GAD2: variants seen among roughly 807,000 people sequenced by gnomAD.
GAD2 encodes the protein 65 kDa glutamic acid decarboxylase.
In GAD2, 22 loss-of-function variants were observed where a neutral mutation model predicts 80.1. That is an observed-to-expected ratio of 0.27 (90% CI 0.20 to 0.39). GAD2 has a LOEUF of 0.39. Among genes scored for constraint, GAD2 ranks in the 10% least tolerant of loss-of-function variants. The probability of loss-of-function intolerance (pLI) is 1.00; values close to 1 mark genes in which losing one functional copy is unlikely to be tolerated. For missense variants in GAD2, 624 were observed against 738.4 expected (o/e 0.85, Z 1.80); for synonymous variants, 274 against 256.9 (o/e 1.07, Z -0.64).
In GAD2 at chr10:26,301,180, C is replaced by T. The variant is rs1834326543; in HGVS notation, c.*219C>T. The T allele has an allele frequency of 2.0e-6, 1 of 499,192 alleles. No individual in the cohort carries two copies. Among genetic ancestry groups the T allele is most frequent in the Admixed American group, 3.3e-5 (1 of 30,514 alleles). The allele number at this position is 499,192 out of a possible 1,614,324, so 30.9% of individuals were successfully genotyped here. Reference sequence around the variant, plus strand: ...AGAATTCGTGACAAAAGGCTATGTTCTAATCAATAAGGAAAAGCTTAAAAT... The same window carrying T: ...AGAATTCGTGACAAAAGGCTATGTTTTAATCAATAAGGAAAAGCTTAAAAT... On this transcript the variant is annotated 3_prime_UTR_variant, in exon 16 of 16. Transcript: ENST00000376261.
chr10:26,240,421 A>G (rs1329405218), intron 7 of GAD2, among the ~76,000 whole-genome samples: 3 of 152,136 alleles, frequency 2.0e-5, no homozygotes, highest in Admixed American at 6.5e-5. Context: ...TTTAAGGATA[A>G]GCTGAATCAT....
chr10:26,266,963 A>T (rs192224337), intron 8 of GAD2, among the ~76,000 whole-genome samples: 18 of 152,288 alleles, frequency 1.2e-4, no homozygotes, highest in Admixed American at 9.8e-4. Flanking sequence ...TTCTCCTTTC[A>T]GGCTGTTGCC....
intron 8 of GAD2, among the ~76,000 whole-genome samples, chr10:26,249,253 G>T (rs988498153): frequency 1.3e-5 from 2 of 152,146 alleles, no homozygotes; most frequent in South Asian, 4.2e-4. Context: ...GTAGAGACGG[G>T]GTTTCATCAT....
At chr10:26,224,072 G>T (rs541878532) in intron 5 of GAD2, 95 bp downstream of exon 5, 161 of 851,978 alleles carry the variant, frequency 1.9e-4, no homozygotes. Context: ...TTTTTATTAA[G>T]TAGCCACTAA....
intron 8 of GAD2, 139 bp downstream of exon 8, chr10:26,246,139 T>G (rs1844806441): frequency 1.6e-6 from 1 of 639,748 alleles, no homozygotes; most frequent in Admixed American, 2.9e-5. Flanking sequence ...TCGTTTCTTT[T>G]TAACATGGGC....
chr10:26,217,091 C>T lies in GAD2; in HGVS notation c.76+206C>T, dbSNP rs1466711663. On this transcript the variant is annotated intron_variant, in intron 1 of 15. Coordinates refer to ENST00000376261, the MANE Select transcript of GAD2 (RefSeq NM_001134366.2). The surrounding 1 kb of genome is among the most constrained non-coding windows in gnomAD (Gnocchi z 4.9). ...TACCCTGGGAAGACGCCCAAATAGT[C>T]TCAGGCCCGTTCCACAGAAGGTTGG... 1.3e-5 allele frequency among the ~76,000 whole-genome samples: 2 copies of T among 152,020 alleles called. No homozygotes were observed. The highest frequency in any genetic ancestry group is 4.8e-5 in the African/African-American group (2 of 41,402).
chr10:26,230,459 C>A (rs962773163), intron 7 of GAD2, among the ~76,000 whole-genome samples: 2 of 151,380 alleles, frequency 1.3e-5, no homozygotes, highest in Non-Finnish European at 2.9e-5. Context: ...GAGACAATCT[C>A]GCTATGTCAC....
Position 26,218,006 on chromosome 10 carries a change from G to A in GAD2, c.286+15G>A, listed in dbSNP as rs1844402057. 3.2e-6 allele frequency: 5 copies of A among 1,584,440 alleles called. No individual in the cohort carries two copies. The Admixed American group carries it at 7.1e-5, about 23-fold the overall frequency. On this transcript the variant is annotated intron_variant, in intron 3 of 15. Coordinates refer to ENST00000376261, the MANE Select transcript of GAD2 (RefSeq NM_001134366.2). Reference sequence around the variant, plus strand: ...CCATGCAACAGGTAAAGACTCAGCGGGGAGCCCCGGGGCGCCCCTGCCCCT... The same window carrying A: ...CCATGCAACAGGTAAAGACTCAGCGAGGAGCCCCGGGGCGCCCCTGCCCCT...
chr10:26,278,065 G>T (rs1447095704), intron 11 of GAD2, among the ~76,000 whole-genome samples: 9 of 151,776 alleles, frequency 5.9e-5, no homozygotes, highest in African/African-American at 1.9e-4. Context: ...AGGGCTTTTT[G>T]CCATCTTTAT....
chr10:26,258,543 C>G (rs1844971030), intron 8 of GAD2, among the ~76,000 whole-genome samples: 1 of 152,106 alleles, frequency 6.6e-6, no homozygotes. Flanking sequence ...TCCCTACCAC[C>G]CCCTCCCCAC....
intron 12 of GAD2, among the ~76,000 whole-genome samples, chr10:26,283,854 C>T (rs974053120): frequency 3.9e-5 from 6 of 152,208 alleles, no homozygotes; most frequent in Admixed American, 2.6e-4. Context: ...TCAGAAGGAC[C>T]TACCGACTGG....
rs1376076355 is a variant in GAD2 at position 26,219,179 on chromosome 10, T to G, written c.423T>G (p.Leu141=). 1 of 1,613,806 alleles carries G rather than the reference T, an allele frequency of 6.2e-7. No homozygotes were observed. Among genetic ancestry groups the G allele is most frequent in the Non-Finnish European group, 8.5e-7 (1 of 1,179,950 alleles). Residue 141 remains leucine (L), a synonymous_variant, in exon 4 of 16, where the codon CTT becomes CTG. Coordinates refer to ENST00000376261, the MANE Select transcript of GAD2 (RefSeq NM_001134366.2). ...KVIDFHYPNE[L]LQEYNWELAD... ...TTGATTTCCATTATCCTAATGAGCT[T>G]CTCCAAGAATATAATTGGGAATTGG...
chr10:26,270,715 G>A lies in GAD2; in HGVS notation c.1051G>A (p.Ala351Thr), dbSNP rs768604380. Residue 351 changes from alanine (A) to threonine (T), a missense_variant, in exon 10 of 16, where the codon GCT becomes ACT. Ala to Thr is a moderately conservative substitution (Grantham distance 58). Transcript: ENST00000376261. ...AGCATTTGACCCCCTCTTAGCTGTCGCTGACATTTGCAAAAAGTATAAGAT... is the reference window on the plus strand; with the variant it reads ...AGCATTTGACCCCCTCTTAGCTGTCACTGACATTTGCAAAAAGTATAAGAT... Reference protein sequence around the residue: ...YGAFDPLLAVADICKKYKIWM... With the variant: ...YGAFDPLLAVTDICKKYKIWM... 2.4e-5 allele frequency: 38 copies of A among 1,613,900 alleles called. No homozygotes were observed. The highest frequency in any genetic ancestry group is 2.0e-4 in the East Asian group (9 of 44,902).
intron 13 of GAD2, 45 bp from the exon 14 acceptor site, chr10:26,292,420 C>T (rs372865003): frequency 4.8e-6 from 7 of 1,446,604 alleles, no homozygotes; most frequent in Admixed American, 3.4e-5. Context: ...TCGCTTCCTC[C>T]GCACTCTTAG....
intron 3 of GAD2, 158 bp downstream of exon 3, chr10:26,218,149 G>T: frequency 1.3e-6 from 1 of 770,548 alleles, no homozygotes; most frequent in Non-Finnish European, 2.0e-6. Context: ...GAGAAATGCG[G>T]GACCTGCCCG....
In GAD2 at chr10:26,224,079, C is replaced by T. The variant is rs1844489241; in HGVS notation, c.611+102C>T. On this transcript the variant is annotated intron_variant, in intron 5 of 15. Coordinates refer to ENST00000376261, the MANE Select transcript of GAD2 (RefSeq NM_001134366.2). The stretch of plus-strand genomic sequence containing the variant: ...AAATCTGTTTTTTATTAAGTAGCCA[C>T]TAAAATAGTGATACAAACTTCTGAA... The T allele has an allele frequency of 5.2e-6, 4 of 771,972 alleles. No individual in the cohort carries two copies. In the Admixed American group the frequency reaches 7.1e-5, roughly 14 times the overall value. 47.8% of individuals were successfully genotyped at this position (771,972 alleles called of 1,614,324 possible).
rs1845167117 is a variant in GAD2, at chr10:26,273,845, C to T, written c.1157+145C>T. 4 of 634,130 alleles carry T rather than the reference C, an allele frequency of 6.3e-6. No individual in the cohort carries two copies. In the South Asian group the frequency reaches 8.2e-5, roughly 13 times the overall value. 39.3% of individuals were successfully genotyped at this position (634,130 alleles called of 1,614,324 possible). A position where few individuals can be genotyped will look rare whatever the true frequency, so the allele number is the denominator to read the frequency against. ...GTGTTCCTTGCCTTATGTGGTATTA[C>T]ACTCATGAATGTGGGTAAACAACAG... is the stretch of plus-strand genomic sequence containing the variant. On this transcript the variant is annotated intron_variant, in intron 11 of 15. Transcript: ENST00000376261.
chr10:26,292,238 G>A (rs1041630018), intron 13 of GAD2, among the ~76,000 whole-genome samples: 1 of 152,218 alleles, frequency 6.6e-6, no homozygotes, highest in African/African-American at 2.4e-5. Context: ...GGCTCTGGAA[G>A]AAAAGGAGTT....
intron 8 of GAD2, among the ~76,000 whole-genome samples, chr10:26,251,000 C>T (rs1487694738): frequency 6.6e-6 from 1 of 150,886 alleles, no homozygotes; most frequent in Non-Finnish European, 1.5e-5. Context: ...CCGCCTCAGC[C>T]TCCCAAGTAG....
Sources: allele counts gnomAD v4.1 joint callset (sites outside exome capture counted in the v4.1 genomes callset), GRCh38; gene constraint gnomAD v4.1.1; non-coding constraint Gnocchi (gnomAD v3.1); transcripts MANE v1.5; gene names NCBI Gene and HGNC (gene_info 2026-07-23, HGNC 2026-07-21).